The following RNF41 variants were observed in gnomAD, a reference collection of about 807,000 sequenced individuals.
RNF41 encodes the protein E3 ubiquitin-protein ligase NRDP1.
Under a neutral mutation model 33.0 loss-of-function variants are expected in RNF41, and 4 were observed. The observed-to-expected ratio is 0.12, with a 90% confidence interval of 0.06 to 0.28. The LOEUF (loss-of-function observed/expected upper bound fraction) is 0.28. Among genes scored for constraint, RNF41 ranks in the 10% least tolerant of loss-of-function variants. The pLI is 1.00. For synonymous variants in RNF41, 164 were observed against 153.2 expected, an observed-to-expected ratio of 1.07 and a Z score of -0.52; for missense variants, 228 against 432.6, an observed-to-expected ratio of 0.53 and a Z score of 4.19.
Position 56,204,260 on chromosome 12 carries a change from C to T in RNF41, c.*2187G>A, listed in dbSNP as rs773654. 0.84 allele frequency: 128,394 copies of T among 152,166 alleles called. 58,333 individuals are homozygous for T. Among genetic ancestry groups the T allele is most frequent in the South Asian group, 1 (4,818 of 4,828 alleles). 9.4% of individuals were successfully genotyped at this position (152,166 alleles called of 1,614,324 possible). ...TAGGATAAAGGCAGACCCTGGGAAG[C>T]ACACAGTTCAGATCACTAGAGAGCT... On this transcript the variant is annotated 3_prime_UTR_variant, in exon 7 of 7. Transcript: ENST00000345093.
chr12:56,210,571 A>G lies in RNF41; in HGVS notation c.91-3T>C. ...AAAGCATGTTCACAATGAGGTGCCT[A>G]GAAGAGAGAACAAGGCAAAAGGGGC... On this transcript the variant is annotated splice_polypyrimidine_tract_variant and splice_region_variant and intron_variant, in intron 3 of 6. Coordinates refer to ENST00000345093, the MANE Select transcript of RNF41 (RefSeq NM_005785.4). 8 of 1,611,392 alleles carry G rather than the reference A, an allele frequency of 5.0e-6. No homozygotes were observed. Among genetic ancestry groups the G allele is most frequent in the Non-Finnish European group, 6.8e-6 (8 of 1,179,738 alleles).
intron 1 of RNF41, among the ~76,000 whole-genome samples, chr12:56,219,574 C>A (rs1869180098): frequency 6.6e-6 from 1 of 151,456 alleles, no homozygotes; most frequent in African/African-American, 2.4e-5. Flanking sequence ...GATCCACCAC[C>A]TTTGGCCTCC....
chr12:56,218,399 A>G (rs915212940), intron 1 of RNF41, among the ~76,000 whole-genome samples: 3 of 151,530 alleles, frequency 2.0e-5, no homozygotes, highest in Non-Finnish European at 2.9e-5. Context: ...AATAGCTGGG[A>G]CCACAGGCAC....
intron 2 of RNF41, 80 bp from the exon 3 acceptor site, chr12:56,214,150 C>A (rs759872273): frequency 1.0e-5 from 8 of 782,288 alleles, no homozygotes; most frequent in South Asian, 1.4e-5. Flanking sequence ...TTGCCAAGAT[C>A]CATTCATTTA....
At position 56,206,188 on chromosome 12, in the gene RNF41, A is replaced by G; in HGVS notation, c.*259T>C. 1 of 425,054 alleles carries G rather than the reference A, an allele frequency of 2.4e-6. No individual in the cohort carries two copies. Among genetic ancestry groups the G allele is most frequent in the Non-Finnish European group, 4.2e-6 (1 of 238,206 alleles). 26.3% of individuals were successfully genotyped at this position (425,054 alleles called of 1,614,324 possible). A position where few individuals can be genotyped will look rare whatever the true frequency, so the allele number is the denominator to read the frequency against. Reference sequence around the variant, plus strand: ...CCAGGGACCCTAAGCAGGAAAATGGATGGAGGTGGGGGCTTTCCCACCCAG... The same window carrying G: ...CCAGGGACCCTAAGCAGGAAAATGGGTGGAGGTGGGGGCTTTCCCACCCAG... On this transcript the variant is annotated 3_prime_UTR_variant, in exon 7 of 7. Transcript: ENST00000345093. This position sits in a 1 kb window ranked among gnomAD's most constrained non-coding sequence, Gnocchi z 5.7.
rs1222248294 is a variant in RNF41, at chr12:56,205,056, T to A, written c.*1391A>T. 6.6e-6 allele frequency: 1 copy of A among 152,254 alleles called. No homozygotes were observed. Among genetic ancestry groups the A allele is most frequent in the Non-Finnish European group, 1.5e-5 (1 of 68,064 alleles). The allele number at this position is 152,254 out of a possible 1,614,324, so 9.4% of individuals were successfully genotyped here. On this transcript the variant is annotated 3_prime_UTR_variant, in exon 7 of 7. Transcript: ENST00000345093. ...TGTGGGTGAGACACGGCACAGCCTG[T>A]ACTTAGAGATAAAATTTCTGATTTG... is the stretch of plus-strand genomic sequence containing the variant.
At position 56,205,569 on chromosome 12, in the gene RNF41, A is replaced by AGGG. The variant is rs63137960; in HGVS notation, c.*875_*877dup. On this transcript the variant is annotated 3_prime_UTR_variant, in exon 7 of 7. Transcript: ENST00000345093. ...TGATCAGGCCATTCTTAAAAAAAAG[A>AGGG]GGGGGGGGGGCAGTAGGTGGAGTTT... 2.0e-4 allele frequency: 25 copies of AGGG among 127,542 alleles called. No homozygotes were observed. Among genetic ancestry groups the AGGG allele is most frequent in the African/African-American group, 7.2e-4 (23 of 32,150 alleles). 7.9% of individuals were successfully genotyped at this position (127,542 alleles called of 1,614,324 possible). A position where few individuals can be genotyped will look rare whatever the true frequency, so the allele number is the denominator to read the frequency against.
At chr12:56,212,902 A>G in intron 3 of RNF41, 1 of 876,672 alleles carries the variant, frequency 1.1e-6, no homozygotes, top group East Asian at 6.3e-5. Context: ...AGAAAGGATT[A>G]ATTGGTATTT....
rs1868259466 is a variant in RNF41 at position 56,206,002 on chromosome 12, C to T, written c.*445G>A. ...ACTACTTATTTCTAGAGATTTGGCT[C>T]CACCCTTACCATTTCTTCAGGATGT... On this transcript the variant is annotated 3_prime_UTR_variant, in exon 7 of 7. Transcript: ENST00000345093. This position sits in a 1 kb window ranked among gnomAD's most constrained non-coding sequence, Gnocchi z 5.7. 6.0e-6 allele frequency: 1 copy of T among 165,490 alleles called. No individual in the cohort carries two copies. Among genetic ancestry groups the T allele is most frequent in the Non-Finnish European group, 1.3e-5 (1 of 74,884 alleles). 10.3% of individuals were successfully genotyped at this position (165,490 alleles called of 1,614,324 possible). A position where few individuals can be genotyped will look rare whatever the true frequency, so the allele number is the denominator to read the frequency against.
At chr12:56,218,385 C>T (rs1393982669) in intron 1 of RNF41, among the ~76,000 whole-genome samples, 1 of 151,634 alleles carries the variant, frequency 6.6e-6, no homozygotes, top group Non-Finnish European at 1.5e-5. Flanking sequence ...ACCTCAGTCT[C>T]CCAAATAGCT....
chr12:56,206,893 C>G lies in RNF41; in HGVS notation c.603-95G>C. Reference sequence around the variant, plus strand: ...TAGAAATAACTACCCACTCTGCACTCAGCTTACCTATTCTTCCTTCTTTCC... The same window carrying G: ...TAGAAATAACTACCCACTCTGCACTGAGCTTACCTATTCTTCCTTCTTTCC... On this transcript the variant is annotated intron_variant, in intron 6 of 6. Transcript: ENST00000345093. This position sits in a 1 kb window ranked among gnomAD's most constrained non-coding sequence, Gnocchi z 5.7. 1.0e-6 allele frequency: 1 copy of G among 1,002,044 alleles called. No homozygotes were observed. Among genetic ancestry groups the G allele is most frequent in the South Asian group, 1.7e-5 (1 of 58,938 alleles). 62.1% of individuals were successfully genotyped at this position (1,002,044 alleles called of 1,614,324 possible).
At chr12:56,217,975 A>C (rs1046467295) in intron 1 of RNF41, among the ~76,000 whole-genome samples, 5 of 151,914 alleles carry the variant, frequency 3.3e-5, no homozygotes, top group Admixed American at 1.3e-4. Flanking sequence ...TTATTTCGAG[A>C]TAGAGTCTCG....
intron 6 of RNF41, chr12:56,207,187 A>G: frequency 7.5e-7 from 1 of 1,329,320 alleles, no homozygotes. Flanking sequence ...TATGAACTGT[A>G]TAGGACTCCA....
rs557726796 is a variant in RNF41, at chr12:56,205,429, A to G, written c.*1018T>C. The G allele has an allele frequency of 5.4e-4, 82 of 152,214 alleles. No individual in the cohort carries two copies. Among genetic ancestry groups the G allele is most frequent in the African/African-American group, 2.0e-3 (81 of 41,536 alleles). The allele number at this position is 152,214 out of a possible 1,614,324, so 9.4% of individuals were successfully genotyped here. On this transcript the variant is annotated 3_prime_UTR_variant, in exon 7 of 7. Coordinates refer to ENST00000345093, the MANE Select transcript of RNF41 (RefSeq NM_005785.4). ...TCCCACCCTATCCAGAACCCCCACA[A>G]TAGGAACATCAAAAGAAAAGTTTCA... is the stretch of plus-strand genomic sequence containing the variant.
intron 4 of RNF41, among the ~76,000 whole-genome samples, chr12:56,209,837 G>C (rs1230916628): frequency 6.6e-6 from 1 of 152,122 alleles, no homozygotes; most frequent in African/African-American, 2.4e-5. Flanking sequence ...CTCCTGGCCT[G>C]AAGTGACTTG....
intron 4 of RNF41, among the ~76,000 whole-genome samples, chr12:56,208,814 C>T (rs1423065412): frequency 6.6e-6 from 1 of 151,588 alleles, no homozygotes; most frequent in Non-Finnish European, 1.5e-5. Context: ...GATCTGCCCC[C>T]CTCGGCCTTC....
chr12:56,210,719 G>T, intron 3 of RNF41, 151 bp from the exon 4 acceptor site: 1 of 743,788 alleles, frequency 1.3e-6, no homozygotes, highest in Non-Finnish European at 2.2e-6. Context: ...GATCTACTAC[G>T]GGCAAGGCAT....
At position 56,202,397 on chromosome 12, in the gene RNF41, G is replaced by A. The variant is rs1252856621; in HGVS notation, c.*4050C>T. On this transcript the variant is annotated 3_prime_UTR_variant, in exon 7 of 7. Coordinates refer to ENST00000345093, the MANE Select transcript of RNF41 (RefSeq NM_005785.4). Reference sequence around the variant, plus strand: ...TCCCCCAGTTCTCCTGACCTTAAAAGTTTAGAACAGGTTGGCAAATTTTTT... The same window carrying A: ...TCCCCCAGTTCTCCTGACCTTAAAAATTTAGAACAGGTTGGCAAATTTTTT... The A allele has an allele frequency of 6.6e-6, 1 of 151,988 alleles. No individual in the cohort carries two copies. Among genetic ancestry groups the A allele is most frequent in the African/African-American group, 2.4e-5 (1 of 41,382 alleles). 9.4% of individuals were successfully genotyped at this position (151,988 alleles called of 1,614,324 possible).
At chr12:56,212,887 G>C in intron 3 of RNF41, 2 of 813,962 alleles carry the variant, frequency 2.5e-6, no homozygotes, top group South Asian at 2.9e-5. Flanking sequence ...AGATAGCCAG[G>C]AAAGAGAAAG....
Sources: allele counts gnomAD v4.1 joint callset (sites outside exome capture counted in the v4.1 genomes callset), GRCh38; gene constraint gnomAD v4.1.1; non-coding constraint Gnocchi (gnomAD v3.1); transcripts MANE v1.5; gene names NCBI Gene and HGNC (gene_info 2026-07-23, HGNC 2026-07-21).